Variants in SOBP observed in about 807,000 individuals in gnomAD.
SOBP encodes the protein sine oculis binding protein homolog, also known as sine oculis-binding protein homolog.
In SOBP, 4 loss-of-function variants were observed where a neutral mutation model predicts 53.6. The ratio of observed to expected loss-of-function variants is 0.07; its 90% CI spans 0.04 to 0.17. SOBP has a LOEUF of 0.17. Ranked by LOEUF, SOBP falls within the 10% of genes least tolerant of loss-of-function variation. The probability of loss-of-function intolerance (pLI) is 1.00; values close to 1 mark genes in which losing one functional copy is unlikely to be tolerated. For synonymous variants in SOBP, 584 were observed against 522.6 expected, an observed-to-expected ratio of 1.12 and a Z score of -1.60; for missense variants, 1,088 against 1,204.7, an observed-to-expected ratio of 0.90 and a Z score of 1.43.
At position 107,577,615 on chromosome 6, in the gene SOBP, A is replaced by C. The variant is rs376198783; in HGVS notation, c.574-9465A>C. On this transcript the variant is annotated intron_variant, in intron 4 of 6. Transcript: ENST00000317357. The stretch of plus-strand genomic sequence containing the variant: ...TACAGCATCACCTACAGGATTAATA[A>C]AAAATTGTATCATAATATTGATGAT... 1.8e-4 allele frequency among the ~76,000 whole-genome samples: 27 copies of C among 152,324 alleles called. No individual in the cohort carries two copies. The East Asian group carries it at 4.4e-3, about 25-fold the overall frequency.
intron 5 of SOBP, among the ~76,000 whole-genome samples, chr6:107,620,625 T>C (rs1038411766): frequency 5.9e-5 from 9 of 152,156 alleles, no homozygotes; most frequent in Admixed American, 2.0e-4. Flanking sequence ...TTGTTCCCTC[T>C]CCTGTTCCTG....
chr6:107,584,584 A>T (rs1167978264), intron 4 of SOBP, among the ~76,000 whole-genome samples: 2 of 152,214 alleles, frequency 1.3e-5, no homozygotes, highest in Admixed American at 1.3e-4. Context: ...AGGACAGGCC[A>T]TTCCCAGAGC....
chr6:107,631,193 C>G (rs568200379), intron 5 of SOBP, among the ~76,000 whole-genome samples: 2 of 152,002 alleles, frequency 1.3e-5, no homozygotes, highest in South Asian at 2.1e-4. Context: ...TTCAGAAAAC[C>G]CTTCTCCCTT....
At position 107,513,724 on chromosome 6, in the gene SOBP, CAAAA is replaced by C. The variant is rs57209957; in HGVS notation, c.421+7310_421+7313del. 9.9e-3 allele frequency among the ~76,000 whole-genome samples: 957 copies of C among 96,334 alleles called. 11 individuals carry two copies. The highest frequency in any genetic ancestry group is 0.036 in the African/African-American group (915 of 25,378). The allele number at this position is 96,334 out of a possible 152,430, so 63.2% of individuals were successfully genotyped here. A position where few individuals can be genotyped will look rare whatever the true frequency, so the allele number is the denominator to read the frequency against. Reference sequence around the variant, plus strand: ...CTATTTATGTACCAGATGCAATTCTCAAAAAAAAAAAAAAAAGAAAGAAAAAGAG... The same window carrying C: ...CTATTTATGTACCAGATGCAATTCTCAAAAAAAAAAAAGAAAGAAAAAGAG... On this transcript the variant is annotated intron_variant, in intron 3 of 6. Coordinates refer to ENST00000317357, the MANE Select transcript of SOBP (RefSeq NM_018013.4).
intron 5 of SOBP, among the ~76,000 whole-genome samples, chr6:107,614,007 G>A (rs1037265424): frequency 6.6e-6 from 1 of 152,212 alleles, no homozygotes; most frequent in Non-Finnish European, 1.5e-5. Context: ...AGGTTCAGAA[G>A]TATGTTGTGT....
At chr6:107,628,772 T>G (rs1341749820) in intron 5 of SOBP, among the ~76,000 whole-genome samples, 1 of 152,222 alleles carries the variant, frequency 6.6e-6, no homozygotes. Flanking sequence ...TCAGGGACAC[T>G]GAACTAGGGC....
chr6:107,510,490 T>G (rs974549528), intron 3 of SOBP: 2 of 152,248 alleles, frequency 1.3e-5, no homozygotes, highest in Non-Finnish European at 2.9e-5. Context: ...CAAATCTTAT[T>G]GCACATATAT....
At chr6:107,645,772 AT>A (rs1489302751) in intron 6 of SOBP, among the ~76,000 whole-genome samples, 1 of 152,228 alleles carries the variant, frequency 6.6e-6, no homozygotes, top group Non-Finnish European at 1.5e-5. Flanking sequence ...CTTCTGGTCG[AT>A]GAATTCTGAA....
At chr6:107,493,455 A>G (rs1011011087) in intron 1 of SOBP, among the ~76,000 whole-genome samples, 3 of 152,200 alleles carry the variant, frequency 2.0e-5, no homozygotes, top group Admixed American at 6.5e-5. Flanking sequence ...GCAAATGGAA[A>G]AGTCAGCCTG....
At chr6:107,604,521 C>T (rs1786296898) in intron 5 of SOBP, among the ~76,000 whole-genome samples, 1 of 139,882 alleles carries the variant, frequency 7.1e-6, no homozygotes, top group African/African-American at 2.6e-5. Context: ...ACCCCCTAAT[C>T]CCCCTACACC....
chr6:107,626,306 A>G (rs2115128492), intron 5 of SOBP, among the ~76,000 whole-genome samples: 1 of 152,280 alleles, frequency 6.6e-6, no homozygotes, highest in Non-Finnish European at 1.5e-5. Context: ...TTTTCCACTT[A>G]TTGCTAATAG....
chr6:107,576,528 C>T (rs1346711791), intron 4 of SOBP, among the ~76,000 whole-genome samples: 2 of 152,188 alleles, frequency 1.3e-5, no homozygotes, highest in Non-Finnish European at 2.9e-5. Flanking sequence ...GTGGCAGGAC[C>T]AAGGCCATAC....
chr6:107,574,402 C>A (rs1785164881), intron 4 of SOBP, among the ~76,000 whole-genome samples: 1 of 152,130 alleles, frequency 6.6e-6, no homozygotes, highest in African/African-American at 2.4e-5. Context: ...TCTAGAATCC[C>A]ATGTCCTTGA....
At chr6:107,524,029 A>G (rs1296113953) in intron 3 of SOBP, among the ~76,000 whole-genome samples, 1 of 152,222 alleles carries the variant, frequency 6.6e-6, no homozygotes, top group African/African-American at 2.4e-5. Flanking sequence ...ATTAAGTGTA[A>G]ATATTGGGAC....
intron 6 of SOBP, among the ~76,000 whole-genome samples, chr6:107,653,067 C>A (rs531918079): frequency 6.6e-6 from 1 of 152,186 alleles, no homozygotes; most frequent in African/African-American, 2.4e-5. Flanking sequence ...GTATCTCCCA[C>A]GTATCTTCAT....
intron 5 of SOBP, among the ~76,000 whole-genome samples, chr6:107,616,084 TG>T (rs576223347): frequency 0.25 from 15,581 of 62,512 alleles, 1,430 homozygotes; most frequent in South Asian, 0.47. Context: ...GGAAGGGGGG[TG>T]GGGGGGGGGC....
rs1583320618 is a variant in SOBP at position 107,658,412 on chromosome 6, A to C, written c.*209A>C. 6.6e-6 allele frequency: 1 copy of C among 152,518 alleles called. No individual in the cohort carries two copies. Among genetic ancestry groups the C allele is most frequent in the South Asian group, 2.1e-4 (1 of 4,814 alleles). The allele number at this position is 152,518 out of a possible 1,614,324, so 9.4% of individuals were successfully genotyped here. On this transcript the variant is annotated 3_prime_UTR_variant, in exon 7 of 7. Transcript: ENST00000317357. Reference sequence around the variant, plus strand: ...AGAGAAGCCCGCGCATCTTGGACCCACCAAGCAGGCCCAGCCTTCCTGCTG... The same window carrying C: ...AGAGAAGCCCGCGCATCTTGGACCCCCCAAGCAGGCCCAGCCTTCCTGCTG...
chr6:107,516,462 A>G (rs1783323590), intron 3 of SOBP, among the ~76,000 whole-genome samples: 1 of 151,406 alleles, frequency 6.6e-6, no homozygotes, highest in Non-Finnish European at 1.5e-5. Context: ...TGAGCAGCAG[A>G]GCAAGACTCT....
At chr6:107,544,500 G>A (rs1299311706) in intron 4 of SOBP, among the ~76,000 whole-genome samples, 1 of 152,170 alleles carries the variant, frequency 6.6e-6, no homozygotes, top group Non-Finnish European at 1.5e-5. Flanking sequence ...ATAGTATTGG[G>A]CACAGTCCCA....
Sources: allele counts gnomAD v4.1 joint callset (sites outside exome capture counted in the v4.1 genomes callset), GRCh38; gene constraint gnomAD v4.1.1; transcripts MANE v1.5; gene names NCBI Gene and HGNC (gene_info 2026-07-23, HGNC 2026-07-21).